C2orf76: variants seen among roughly 807,000 people sequenced by gnomAD.
C2orf76 encodes UPF0538 protein C2orf76.
C2orf76 carries 23 observed loss-of-function variants against 16.9 expected under a neutral mutation model. The observed-to-expected ratio is 1.36, with a 90% CI of 0.98 to 1.93. C2orf76 has a LOEUF of 1.93. C2orf76 is among the 30% of genes most tolerant of loss of function. The pLI, the probability that C2orf76 is intolerant of heterozygous loss-of-function variation, is 0.00. For synonymous variants in C2orf76, 48 were observed against 52.3 expected, an observed-to-expected ratio of 0.92 and a Z score of 0.35; for missense variants, 152 against 152.6, an observed-to-expected ratio of 1.00 and a Z score of 0.02.
chr2:119,358,021 G>A (rs1226158360), intron 1 of C2orf76, among the ~76,000 whole-genome samples: 1 of 152,104 alleles, frequency 6.6e-6, no homozygotes, highest in South Asian at 2.1e-4. Context: ...CAAGTATTTA[G>A]GTGTAAATCT....
At chr2:119,325,626 G>T (rs1679486773) in intron 2 of C2orf76, among the ~76,000 whole-genome samples, 1 of 152,096 alleles carries the variant, frequency 6.6e-6, no homozygotes, top group East Asian at 1.9e-4. Flanking sequence ...CCAAAAAAAG[G>T]AAAGAAATGA....
chr2:119,294,013 AG>A, the C2orf76 span, among the ~76,000 whole-genome samples: 1 of 152,134 alleles, frequency 6.6e-6, no homozygotes, highest in East Asian at 1.9e-4. Context: ...TGAAATCCGG[AG>A]TCTGCAGCAT....
At chr2:119,321,453 C>G (rs917200186) in intron 2 of C2orf76, among the ~76,000 whole-genome samples, 1 of 152,168 alleles carries the variant, frequency 6.6e-6, no homozygotes, top group Admixed American at 6.6e-5. Context: ...GGAGGCCTCA[C>G]AATCATGGCA....
intron 1 of C2orf76, among the ~76,000 whole-genome samples, chr2:119,358,315 G>A (rs1248794437): frequency 1.4e-5 from 2 of 145,214 alleles, no homozygotes; most frequent in African/African-American, 2.5e-5. Context: ...GATGGCTCAC[G>A]CCTGTAATCC....
chr2:119,344,753 A>T (rs1243478722), intron 1 of C2orf76, among the ~76,000 whole-genome samples: 1 of 152,326 alleles, frequency 6.6e-6, no homozygotes, highest in East Asian at 1.9e-4. Flanking sequence ...ATTTTACAAA[A>T]TCCAATAACA....
chr2:119,322,120 GTA>G (rs375235101), intron 2 of C2orf76, among the ~76,000 whole-genome samples: 4 of 150,252 alleles, frequency 2.7e-5, no homozygotes, highest in African/African-American at 4.9e-5. Flanking sequence ...GTATATATGT[GTA>G]TATATATATA....
the C2orf76 span, among the ~76,000 whole-genome samples, chr2:119,292,498 G>C: frequency 6.6e-6 from 1 of 152,116 alleles, no homozygotes; most frequent in Non-Finnish European, 1.5e-5. Flanking sequence ...GAGTCAGACC[G>C]ACAAAAACAA....
At chr2:119,292,719 TAA>T in the C2orf76 span, among the ~76,000 whole-genome samples, 4 of 152,124 alleles carry the variant, frequency 2.6e-5, no homozygotes, top group Non-Finnish European at 5.9e-5. Context: ...CAACAAGCTG[TAA>T]AGTTTCGCTT....
chr2:119,327,336 A>ATTTT (rs34185420), intron 2 of C2orf76, among the ~76,000 whole-genome samples: 1,246 of 68,700 alleles, frequency 0.018, 194 homozygotes, highest in Middle Eastern at 0.037. Flanking sequence ...AATTACATGG[A>ATTTT]TTTTTTTTTT....
intron 1 of C2orf76, chr2:119,366,481 A>G (rs776798289): frequency 2.8e-5 from 13 of 471,722 alleles, no homozygotes; most frequent in Non-Finnish European, 5.7e-5. Context: ...TCGGGAGACC[A>G]GTCCAGCTTT....
At chr2:119,297,885 T>C (rs1678563904), downstream of C2orf76, among the ~76,000 whole-genome samples, 1 of 152,194 alleles carries the variant, frequency 6.6e-6, no homozygotes, top group Non-Finnish European at 1.5e-5. Flanking sequence ...AAAAATAACC[T>C]AGATGGAAAT....
At chr2:119,339,573 A>AT (rs1236983451) in intron 2 of C2orf76, among the ~76,000 whole-genome samples, 4 of 120,930 alleles carry the variant, frequency 3.3e-5, no homozygotes, top group African/African-American at 5.9e-5. Flanking sequence ...ATTACTTTTA[A>AT]TTAAAAAAAA....
intron 4 of C2orf76, 76 bp downstream of exon 4, chr2:119,317,390 A>T: frequency 1.9e-6 from 2 of 1,074,238 alleles, no homozygotes; most frequent in Non-Finnish European, 1.3e-6. Flanking sequence ...ATGTACATGT[A>T]TTCATTCACT....
the C2orf76 span, among the ~76,000 whole-genome samples, chr2:119,292,365 T>G: frequency 1.4e-5 from 2 of 144,124 alleles, no homozygotes; most frequent in Admixed American, 6.7e-5. Flanking sequence ...TTTTGTTTTG[T>G]TTTTTTTCCA....
intron 5 of C2orf76, among the ~76,000 whole-genome samples, chr2:119,308,478 A>G (rs992403214): frequency 6.6e-6 from 1 of 152,110 alleles, no homozygotes; most frequent in Non-Finnish European, 1.5e-5. Flanking sequence ...GGTCTCTACT[A>G]AAAAATACAA....
chr2:119,321,202 T>TGC lies in C2orf76; in HGVS notation c.135_136insGC (p.Ile46AlafsTer4). 7.2e-7 allele frequency: 1 copy of TGC among 1,392,638 alleles called. No individual in the cohort carries two copies. Among genetic ancestry groups the TGC allele is most frequent in the Non-Finnish European group, 9.8e-7 (1 of 1,015,998 alleles). The allele number at this position is 1,392,638 out of a possible 1,614,324, so 86.3% of individuals were successfully genotyped here. On this transcript the variant is annotated frameshift_variant and splice_region_variant, in exon 3 of 6. Coordinates refer to ENST00000334816, the MANE Select transcript of C2orf76 (RefSeq NM_001322331.2). LOFTEE classifies it high-confidence loss of function. ...GGTGGCAGGTTGGTCCTTAAAGGGATATCTACAAGAGAAAGATTATTTTTT... is the reference window on the plus strand; with the variant it reads ...GGTGGCAGGTTGGTCCTTAAAGGGATGCATCTACAAGAGAAAGATTATTTTTT...
the C2orf76 span, among the ~76,000 whole-genome samples, chr2:119,282,526 G>C: frequency 1.3e-5 from 2 of 152,188 alleles, no homozygotes; most frequent in Non-Finnish European, 1.5e-5. Context: ...TGAGACGCCT[G>C]GCTGGAGGGA....
chr2:119,343,289 A>T lies in C2orf76; in HGVS notation c.-12-3318T>A, dbSNP rs73948664. ...CAGTTCAGCAAATACCTACAAAATT[A>T]AAATTTAAAATATACTGAAGTATTC... On this transcript the variant is annotated intron_variant, in intron 1 of 5. Coordinates refer to ENST00000334816, the MANE Select transcript of C2orf76 (RefSeq NM_001322331.2). 6.1e-3 allele frequency among the ~76,000 whole-genome samples: 930 copies of T among 152,314 alleles called. 10 individuals are homozygous for T. Among genetic ancestry groups the T allele is most frequent in the African/African-American group, 0.02 (833 of 41,576 alleles).
the C2orf76 span, among the ~76,000 whole-genome samples, chr2:119,295,691 G>T: frequency 6.6e-6 from 1 of 152,198 alleles, no homozygotes; most frequent in Non-Finnish European, 1.5e-5. Context: ...CCAAAAGCTT[G>T]AGTCTCTAAG....
Sources: gnomAD v4.1 joint callset for allele counts (sites outside exome capture counted in the v4.1 genomes callset) on GRCh38, gnomAD v4.1.1 for gene constraint, MANE v1.5 for transcripts, NCBI Gene and HGNC (gene_info 2026-07-23, HGNC 2026-07-21) for gene names.